The following MIS18A variants were observed in gnomAD, a reference collection of about 807,000 sequenced individuals.
The protein encoded by MIS18A is protein Mis18-alpha.
A neutral mutation model predicts 25.0 loss-of-function variants in MIS18A; 14 were observed. The observed-to-expected ratio is 0.56, with a 90% CI of 0.37 to 0.88. The LOEUF is 0.88. Among genes scored for constraint, MIS18A ranks in the 40% least tolerant of loss-of-function variants. The probability of loss-of-function intolerance (pLI) is 0.00; values close to 1 mark genes in which losing one functional copy is unlikely to be tolerated. For synonymous variants in MIS18A, 134 were observed against 118.6 expected (o/e 1.13, Z -0.84); for missense variants, 292 against 290.8 (o/e 1.00, Z -0.03).
the MIS18A span, among the ~76,000 whole-genome samples, chr21:32,241,971 C>T: frequency 0.016 from 2,363 of 152,300 alleles, 59 homozygotes; most frequent in African/African-American, 0.054. Flanking sequence ...CTCCGCCTCC[C>T]GGGTTCACGC....
At chr21:32,171,796 G>T in the MIS18A span, among the ~76,000 whole-genome samples, 1 of 151,958 alleles carries the variant, frequency 6.6e-6, no homozygotes, top group Non-Finnish European at 1.5e-5. Context: ...GATTGTACAA[G>T]ATTTGCAAAC....
At chr21:32,202,776 GGTTCACCCAC>G in the MIS18A span, among the ~76,000 whole-genome samples, 1 of 152,132 alleles carries the variant, frequency 6.6e-6, no homozygotes, top group Non-Finnish European at 1.5e-5. Context: ...ATGTCTTCAA[GGTTCACCCAC>G]GTTGTAGCAT....
chr21:32,240,886 T>C, the MIS18A span, among the ~76,000 whole-genome samples: 12 of 152,184 alleles, frequency 7.9e-5, no homozygotes, highest in Non-Finnish European at 2.9e-5. Flanking sequence ...TTATTTGCAG[T>C]TTATTTTTCT....
the MIS18A span, among the ~76,000 whole-genome samples, chr21:32,244,469 G>C: frequency 6.6e-6 from 1 of 152,212 alleles, no homozygotes; most frequent in African/African-American, 2.4e-5. Context: ...AGGCATGGTG[G>C]CTCATGCTTG....
At chr21:32,200,659 C>T in the MIS18A span, among the ~76,000 whole-genome samples, 25 of 152,106 alleles carry the variant, frequency 1.6e-4, no homozygotes, top group South Asian at 1.9e-3. Flanking sequence ...AGGATGGTCT[C>T]GATCTCCTGA....
the MIS18A span, among the ~76,000 whole-genome samples, chr21:32,236,210 TAA>T: frequency 0.036 from 5,243 of 145,620 alleles, 318 homozygotes; most frequent in African/African-American, 0.12. Flanking sequence ...CCGTCTCTAC[TAA>T]AAAAAAAAAA....
the MIS18A span, among the ~76,000 whole-genome samples, chr21:32,211,937 G>T: frequency 6.6e-6 from 1 of 152,090 alleles, no homozygotes; most frequent in Non-Finnish European, 1.5e-5. Flanking sequence ...CTCTCCCCAG[G>T]CCCATACCCT....
the MIS18A span, among the ~76,000 whole-genome samples, chr21:32,227,708 A>G: frequency 6.6e-6 from 1 of 152,222 alleles, no homozygotes; most frequent in Non-Finnish European, 1.5e-5. Flanking sequence ...CATTCTATGA[A>G]GCCAGTATTA....
the MIS18A span, among the ~76,000 whole-genome samples, chr21:32,215,427 TC>T: frequency 6.6e-6 from 1 of 152,058 alleles, no homozygotes; most frequent in Non-Finnish European, 1.5e-5. Context: ...GATTGTGGCT[TC>T]CCAGCAAGGC....
the MIS18A span, among the ~76,000 whole-genome samples, chr21:32,198,255 A>G: frequency 6.6e-6 from 1 of 152,264 alleles, no homozygotes; most frequent in East Asian, 1.9e-4. Context: ...GCAGTGCCAA[A>G]GAGTGAGCTA....
the MIS18A span, among the ~76,000 whole-genome samples, chr21:32,204,831 G>A: frequency 1.2e-4 from 19 of 152,080 alleles, no homozygotes; most frequent in Non-Finnish European, 2.6e-4. Context: ...AGGCTGCAGT[G>A]AGCCAAGATC....
the MIS18A span, among the ~76,000 whole-genome samples, chr21:32,228,149 C>T: frequency 0.16 from 24,046 of 152,124 alleles, 1,964 homozygotes; most frequent in Admixed American, 0.2. Flanking sequence ...AGTGCAGTGG[C>T]GCCATCACGG....
At chr21:32,201,762 T>C in the MIS18A span, among the ~76,000 whole-genome samples, 1 of 152,034 alleles carries the variant, frequency 6.6e-6, no homozygotes, top group Non-Finnish European at 1.5e-5. Flanking sequence ...GCAGTGGAGC[T>C]ATGATCATGC....
intron 2 of MIS18A, among the ~76,000 whole-genome samples, chr21:32,273,483 C>G (rs2031751556): frequency 6.6e-6 from 1 of 152,096 alleles, no homozygotes; most frequent in African/African-American, 2.4e-5. Context: ...TATTATCACT[C>G]CAGAGATTCC....
the MIS18A span, among the ~76,000 whole-genome samples, chr21:32,166,720 C>T: frequency 6.6e-6 from 1 of 152,050 alleles, no homozygotes; most frequent in African/African-American, 2.4e-5. Context: ...AAAGATATAG[C>T]TTTCTTAAAA....
At chr21:32,162,248 G>A in the MIS18A span, among the ~76,000 whole-genome samples, 11 of 152,128 alleles carry the variant, frequency 7.2e-5, no homozygotes, top group South Asian at 2.1e-3. Context: ...AAGCCTCACC[G>A]ACACTGCCAG....
the MIS18A span, among the ~76,000 whole-genome samples, chr21:32,171,066 G>A: frequency 6.6e-6 from 1 of 152,022 alleles, no homozygotes; most frequent in South Asian, 2.1e-4. Context: ...TTCCCTTAAG[G>A]TCAGGAAGAA....
chr21:32,237,117 G>A, the MIS18A span, among the ~76,000 whole-genome samples: 2 of 150,552 alleles, frequency 1.3e-5, no homozygotes, highest in African/African-American at 4.9e-5. Context: ...GAAGTGACGT[G>A]TGTTGCTTTC....
At chr21:32,160,285 AACACACACACACACACACACACAC>A in the MIS18A span, among the ~76,000 whole-genome samples, 2 of 145,614 alleles carry the variant, frequency 1.4e-5, no homozygotes, top group Non-Finnish European at 3.0e-5. Context: ...ACACCTCTGC[AACACACACACACACACACACACAC>A]ACACACACAC....
Sources: gnomAD v4.1 joint callset for allele counts (sites outside exome capture counted in the v4.1 genomes callset) on GRCh38, gnomAD v4.1.1 for gene constraint, MANE v1.5 for transcripts, NCBI Gene and HGNC (gene_info 2026-07-23, HGNC 2026-07-21) for gene names.